The following RBFOX1 variants were observed in gnomAD, a reference collection of about 807,000 sequenced individuals.
The protein encoded by RBFOX1 is RNA binding protein fox-1 homolog 1.
RBFOX1 carries 8 observed loss-of-function variants against 57.7 expected under a neutral mutation model. That is an observed-to-expected ratio of 0.14 (90% CI 0.08 to 0.25). RBFOX1 has a LOEUF of 0.25. Among genes scored for constraint, RBFOX1 ranks in the 10% least tolerant of loss-of-function variants. RBFOX1 has a pLI of 1.00. For synonymous variants in RBFOX1, 326 were observed against 222.4 expected (o/e 1.47, Z -4.15); for missense variants, 611 against 548.5 (o/e 1.11, Z -1.14).
At position 7,003,581 on chromosome 16, in the gene RBFOX1, G is replaced by T. The variant is rs551748258; in HGVS notation, c.-15-48476G>T. Among the ~76,000 whole-genome samples the T allele has an allele frequency of 5.9e-5, 9 of 152,122 alleles. No individual in the cohort carries two copies. The East Asian group carries it at 1.4e-3, about 23-fold the overall frequency. On this transcript the variant is annotated intron_variant, in intron 3 of 15. Coordinates refer to ENST00000550418, the MANE Select transcript of RBFOX1 (RefSeq NM_018723.4). The stretch of plus-strand genomic sequence containing the variant: ...AAATAAAACCAGAGGTTGAAACAAG[G>T]TATTAAAATACCTCTGGAGAAAAAC...
intron 2 of RBFOX1, among the ~76,000 whole-genome samples, chr16:6,389,705 G>A (rs1048564821): frequency 3.3e-5 from 5 of 152,102 alleles, no homozygotes; most frequent in African/African-American, 4.8e-5. Flanking sequence ...GACGAACCTC[G>A]TGCTCAAAAA....
chr16:5,476,119 A>C (rs2069313734), intron 2 of RBFOX1, among the ~76,000 whole-genome samples: 2 of 152,160 alleles, frequency 1.3e-5, no homozygotes, highest in African/African-American at 4.8e-5. Flanking sequence ...CTTTGAGACC[A>C]GCACCACTCA....
At chr16:6,223,964 T>C (rs1339858223) in intron 1 of RBFOX1, among the ~76,000 whole-genome samples, 1 of 152,176 alleles carries the variant, frequency 6.6e-6, no homozygotes, top group Non-Finnish European at 1.5e-5. Flanking sequence ...AGGGACTCCT[T>C]TCCCCATTGC....
intron 2 of RBFOX1, among the ~76,000 whole-genome samples, chr16:6,356,722 C>A (rs1275085674): frequency 6.6e-6 from 1 of 152,132 alleles, no homozygotes; most frequent in African/African-American, 2.4e-5. Context: ...AGGAAAAGGA[C>A]ATTAGGCGAA....
intron 4 of RBFOX1, among the ~76,000 whole-genome samples, chr16:7,280,482 G>A (rs1187679889): frequency 6.6e-6 from 1 of 152,164 alleles, no homozygotes; most frequent in African/African-American, 2.4e-5. Flanking sequence ...TAAGAGGGAG[G>A]CCCATGTGCC....
intron 4 of RBFOX1, among the ~76,000 whole-genome samples, chr16:7,074,087 A>G (rs770952026): frequency 8.5e-5 from 13 of 152,324 alleles, no homozygotes; most frequent in Middle Eastern, 3.4e-3. Context: ...TATGGCCCAC[A>G]GAGCCTACAA....
At chr16:5,503,679 G>A (rs1454353112) in intron 2 of RBFOX1, among the ~76,000 whole-genome samples, 1 of 152,096 alleles carries the variant, frequency 6.6e-6, no homozygotes, top group Non-Finnish European at 1.5e-5. Flanking sequence ...CCTGACCTGA[G>A]GTGATCCATC....
intron 1 of RBFOX1, among the ~76,000 whole-genome samples, chr16:6,046,722 G>C (rs2095499703): frequency 1.3e-5 from 2 of 152,258 alleles, no homozygotes; most frequent in African/African-American, 2.4e-5. Flanking sequence ...TAACCTTGCA[G>C]AGATTTCAAT....
chr16:6,906,498 AAG>A (rs1245752185), intron 3 of RBFOX1, among the ~76,000 whole-genome samples: 2 of 152,218 alleles, frequency 1.3e-5, no homozygotes, highest in African/African-American at 4.8e-5. Context: ...CATTAAAAAA[AAG>A]TGAGTTTATA....
intron 3 of RBFOX1, among the ~76,000 whole-genome samples, chr16:6,797,621 A>G (rs766318387): frequency 6.6e-6 from 1 of 152,158 alleles, no homozygotes; most frequent in Non-Finnish European, 1.5e-5. Context: ...CATTAACAAT[A>G]GCATACTGGG....
At chr16:7,011,917 T>C (rs1364622428) in intron 3 of RBFOX1, among the ~76,000 whole-genome samples, 1 of 152,190 alleles carries the variant, frequency 6.6e-6, no homozygotes, top group Non-Finnish European at 1.5e-5. Flanking sequence ...TTCCACCCCA[T>C]CTTCTGCACA....
intron 3 of RBFOX1, among the ~76,000 whole-genome samples, chr16:5,793,552 G>T (rs760561764): frequency 2.6e-5 from 4 of 152,194 alleles, no homozygotes; most frequent in Non-Finnish European, 4.4e-5. Context: ...CTGAGAAGAG[G>T]TGGGCGTCCC....
At chr16:5,680,018 G>A (rs1387546082) in intron 3 of RBFOX1, among the ~76,000 whole-genome samples, 1 of 152,320 alleles carries the variant, frequency 6.6e-6, no homozygotes, top group South Asian at 2.1e-4. Flanking sequence ...TGAGTGTGTT[G>A]AATCAGAGAT....
At chr16:6,879,537 G>C (rs1303282411) in intron 3 of RBFOX1, among the ~76,000 whole-genome samples, 1 of 152,132 alleles carries the variant, frequency 6.6e-6, no homozygotes, top group Non-Finnish European at 1.5e-5. Context: ...AGGTTAATGA[G>C]ATTATTCACT....
rs912367727 is a variant in RBFOX1 at position 6,180,786 on chromosome 16, G to A, written c.-126-136209G>A. 7.2e-5 allele frequency among the ~76,000 whole-genome samples: 11 copies of A among 152,088 alleles called. No individual in the cohort carries two copies. In the South Asian group the frequency reaches 1.9e-3, roughly 26 times the overall value. On this transcript the variant is annotated intron_variant, in intron 1 of 15. Coordinates refer to ENST00000550418, the MANE Select transcript of RBFOX1 (RefSeq NM_018723.4). ...TCACCGGGTTGGCCAGGCTGGTCTC[G>A]AACTCCTGACCTCAAGTAATCTACC...
At chr16:6,917,183 T>G (rs1018692079) in intron 3 of RBFOX1, among the ~76,000 whole-genome samples, 2 of 152,074 alleles carry the variant, frequency 1.3e-5, no homozygotes, top group Non-Finnish European at 2.9e-5. Context: ...GCAGACTGAG[T>G]TTCTGTTCTT....
chr16:6,282,246 T>G lies in RBFOX1; in HGVS notation c.-126-34749T>G, dbSNP rs567357340. 5.8e-4 allele frequency among the ~76,000 whole-genome samples: 88 copies of G among 152,016 alleles called. 2 individuals are homozygous for G. Among genetic ancestry groups the G allele is most frequent in the African/African-American group, 2.0e-3 (83 of 41,496 alleles). ...AGATGGACATGCTGTAATCTTAAAGTGAAAAATCTAAGGAAAATTTTACAA... is the reference window on the plus strand; with the variant it reads ...AGATGGACATGCTGTAATCTTAAAGGGAAAAATCTAAGGAAAATTTTACAA... On this transcript the variant is annotated intron_variant, in intron 1 of 15. Transcript: ENST00000550418.
chr16:7,132,824 A>G (rs1019304032), intron 4 of RBFOX1, among the ~76,000 whole-genome samples: 7 of 152,152 alleles, frequency 4.6e-5, no homozygotes, highest in Non-Finnish European at 8.8e-5. Flanking sequence ...AAAAAAAAAG[A>G]TACATCTTTC....
At chr16:5,303,788 A>G (rs1054925004) in intron 1 of RBFOX1, among the ~76,000 whole-genome samples, 6 of 152,074 alleles carry the variant, frequency 3.9e-5, no homozygotes, top group South Asian at 2.1e-4. Flanking sequence ...GAAAATTCCA[A>G]TAAAGCAAAA....
Sources: gnomAD v4.1 joint callset for allele counts (sites outside exome capture counted in the v4.1 genomes callset) on GRCh38, gnomAD v4.1.1 for gene constraint, MANE v1.5 for transcripts, NCBI Gene and HGNC (gene_info 2026-07-23, HGNC 2026-07-21) for gene names.